The following CNTNAP2 variants were observed in gnomAD, a reference collection of about 807,000 sequenced individuals.
CNTNAP2 encodes the protein contactin associated protein 2, also known as contactin-associated protein-like 2.
Under a neutral mutation model 155.2 loss-of-function variants are expected in CNTNAP2, and 98 were observed. The observed-to-expected ratio is 0.63, with a 90% CI of 0.54 to 0.75. CNTNAP2 has a LOEUF of 0.75. Ranked by LOEUF, CNTNAP2 falls within the 30% of genes least tolerant of loss-of-function variation. The pLI, the probability that CNTNAP2 is intolerant of heterozygous loss-of-function variation, is 0.00. For synonymous variants in CNTNAP2, 651 were observed against 631.2 expected (o/e 1.03, Z -0.47); for missense variants, 1,727 against 1,688.1 (o/e 1.02, Z -0.40).
chr7:146,384,027 G>A (rs1795426904), intron 1 of CNTNAP2, among the ~76,000 whole-genome samples: 1 of 152,124 alleles, frequency 6.6e-6, no homozygotes, highest in Non-Finnish European at 1.5e-5. Context: ...TTGAGCTTTG[G>A]CTCATGCTCA....
At chr7:146,596,946 C>T (rs1352359752) in intron 1 of CNTNAP2, among the ~76,000 whole-genome samples, 1 of 152,046 alleles carries the variant, frequency 6.6e-6, no homozygotes, top group Admixed American at 6.6e-5. Context: ...TTTTCATCCC[C>T]ACTGCCTAAT....
At chr7:148,203,895 G>T (rs1795406145) in intron 18 of CNTNAP2, among the ~76,000 whole-genome samples, 1 of 152,150 alleles carries the variant, frequency 6.6e-6, no homozygotes, top group Admixed American at 6.5e-5. Flanking sequence ...CAGTGCTCCT[G>T]GGCCTGACCA....
intron 13 of CNTNAP2, among the ~76,000 whole-genome samples, chr7:147,897,451 T>C (rs904873498): frequency 6.6e-6 from 1 of 152,146 alleles, no homozygotes; most frequent in Non-Finnish European, 1.5e-5. Context: ...AGAGTGTTAG[T>C]GTCCTCTAGT....
intron 1 of CNTNAP2, among the ~76,000 whole-genome samples, chr7:146,126,673 A>G (rs988519499): frequency 1.3e-5 from 2 of 152,246 alleles, no homozygotes; most frequent in Non-Finnish European, 2.9e-5. Flanking sequence ...TAAAGTTAAA[A>G]GATGGTAATT....
chr7:147,043,985 A>G lies in CNTNAP2; in HGVS notation c.481A>G (p.Ile161Val). ...TCCGATTATTGCCCGCTATGTGCGCATAGTGCCTCTGGATTGGAATGGAGA... is the reference window on the plus strand; with the variant it reads ...TCCGATTATTGCCCGCTATGTGCGCGTAGTGCCTCTGGATTGGAATGGAGA... ...QHPIIARYVR[I>V]VPLDWNGEGR... The change falls in exon 4 of 24, where the codon ATA becomes GTA. Residue 161 changes from isoleucine (I) to valine (V), a missense_variant. Ile to Val is a conservative substitution (Grantham distance 29). Transcript: ENST00000361727. 1 of 1,614,200 alleles carries G rather than the reference A, an allele frequency of 6.2e-7. No individual in the cohort carries two copies. Among genetic ancestry groups the G allele is most frequent in the South Asian group, 1.1e-5 (1 of 91,090 alleles).
intron 1 of CNTNAP2, among the ~76,000 whole-genome samples, chr7:146,339,984 A>G (rs1268627364): frequency 6.6e-6 from 1 of 151,950 alleles, no homozygotes; most frequent in Admixed American, 6.6e-5. Flanking sequence ...TCCGGCTAAC[A>G]CGGTGAAACC....
intron 3 of CNTNAP2, among the ~76,000 whole-genome samples, chr7:146,841,282 T>C (rs1803716686): frequency 7.3e-6 from 1 of 137,808 alleles, no homozygotes; most frequent in South Asian, 2.1e-4. Flanking sequence ...AAGTATATGC[T>C]GAAAATGAAG....
intron 14 of CNTNAP2, among the ~76,000 whole-genome samples, chr7:147,923,032 T>C (rs1205493435): frequency 6.7e-6 from 1 of 149,486 alleles, no homozygotes; most frequent in Non-Finnish European, 1.5e-5. Context: ...AACCAAAACA[T>C]GGAAAATGAG....
At chr7:147,795,462 T>A (rs1452737443) in intron 13 of CNTNAP2, among the ~76,000 whole-genome samples, 1 of 152,166 alleles carries the variant, frequency 6.6e-6, no homozygotes, top group African/African-American at 2.4e-5. Flanking sequence ...TATTTTCTCC[T>A]GTTTGTCTTT....
chr7:146,954,350 A>C (rs1203586034), intron 3 of CNTNAP2, among the ~76,000 whole-genome samples: 1 of 151,932 alleles, frequency 6.6e-6, no homozygotes, highest in Non-Finnish European at 1.5e-5. Flanking sequence ...TGTAATGGAA[A>C]TGCTGCACTA....
chr7:146,965,447 C>T (rs1398720135), intron 3 of CNTNAP2, among the ~76,000 whole-genome samples: 5 of 151,982 alleles, frequency 3.3e-5, no homozygotes, highest in Admixed American at 3.3e-4. Context: ...GGATTTTGCA[C>T]AATACATTCT....
intron 1 of CNTNAP2, among the ~76,000 whole-genome samples, chr7:146,505,150 G>A (rs1448963267): frequency 6.6e-6 from 1 of 152,168 alleles, no homozygotes; most frequent in Admixed American, 6.5e-5. Context: ...AACTCCTAGT[G>A]TCCATCCATG....
chr7:146,392,769 A>G (rs1795563501), intron 1 of CNTNAP2, among the ~76,000 whole-genome samples: 2 of 152,116 alleles, frequency 1.3e-5, no homozygotes, highest in Admixed American at 1.3e-4. Flanking sequence ...TGAAGAAGGA[A>G]TGAGTTTGGG....
At chr7:147,589,857 G>A (rs76867004) in intron 12 of CNTNAP2, among the ~76,000 whole-genome samples, 478 of 152,218 alleles carry the variant, frequency 3.1e-3, no homozygotes, top group African/African-American at 0.011. Flanking sequence ...TCAGAAATTA[G>A]TGACAAACTA....
intron 1 of CNTNAP2, among the ~76,000 whole-genome samples, chr7:146,606,923 C>A (rs779994683): frequency 2.6e-5 from 4 of 152,130 alleles, no homozygotes; most frequent in African/African-American, 2.4e-5. Flanking sequence ...TCACTGTGAT[C>A]CTGCTGACAA....
Position 147,400,277 on chromosome 7 carries a change from G to A in CNTNAP2, c.1670+4497G>A, listed in dbSNP as rs1229428943. Among the ~76,000 whole-genome samples, 6 of 152,202 alleles carry A rather than the reference G, an allele frequency of 3.9e-5. No homozygotes were observed. The East Asian group carries it at 9.7e-4, about 25-fold the overall frequency. ...TGCTTGGGGAGGGACGGACATTGAG[G>A]GAGAGTCAGGGAGGGTATTAGGGGA... is the stretch of plus-strand genomic sequence containing the variant. On this transcript the variant is annotated intron_variant, in intron 10 of 23. Transcript: ENST00000361727.
At position 147,769,396 on chromosome 7, in the gene CNTNAP2, C is replaced by T. The variant is rs954078606; in HGVS notation, c.2098+130090C>T. Among the ~76,000 whole-genome samples the T allele has an allele frequency of 2.0e-5, 3 of 152,056 alleles. 1 individual carries two copies. Among genetic ancestry groups the T allele is most frequent in the Admixed American group, 6.6e-5 (1 of 15,256 alleles). On this transcript the variant is annotated intron_variant, in intron 13 of 23. Transcript: ENST00000361727. Reference sequence around the variant, plus strand: ...CTGGAATAACTTTCTCACAAGAACACGGTGTAAATATCATTTTTCTTCTGT... The same window carrying T: ...CTGGAATAACTTTCTCACAAGAACATGGTGTAAATATCATTTTTCTTCTGT...
intron 1 of CNTNAP2, among the ~76,000 whole-genome samples, chr7:146,535,161 TATATTATATCATATATCATATATATG>T (rs1409927364): frequency 0.058 from 219 of 3,758 alleles, 9 homozygotes; most frequent in African/African-American, 0.13. Flanking sequence ...TATAATATAT[TATATTATATCATATATCATATATATG>T]ATATTATATC....
rs977221574 is a variant in CNTNAP2 at position 148,415,989 on chromosome 7, G to GTAT, written c.*375_*377dup. The GTAT allele has an allele frequency of 3.3e-5, 8 of 241,180 alleles. No homozygotes were observed. The highest frequency in any genetic ancestry group is 1.6e-4 in the African/African-American group (7 of 44,148). The allele number at this position is 241,180 out of a possible 1,614,324, so 14.9% of individuals were successfully genotyped here. A position where few individuals can be genotyped will look rare whatever the true frequency, so the allele number is the denominator to read the frequency against. Reference sequence around the variant, plus strand: ...GTTTTTAAGAGCCCTTAGAACGTGGGTATTTTTTTTCTTGAGAAAAGCTAA... The same window carrying GTAT: ...GTTTTTAAGAGCCCTTAGAACGTGGGTATTATTTTTTTTCTTGAGAAAAGCTAA... On this transcript the variant is annotated 3_prime_UTR_variant, in exon 24 of 24. Transcript: ENST00000361727.
Sources: allele counts gnomAD v4.1 joint callset (sites outside exome capture counted in the v4.1 genomes callset), GRCh38; gene constraint gnomAD v4.1.1; transcripts MANE v1.5; gene names NCBI Gene and HGNC (gene_info 2026-07-23, HGNC 2026-07-21).